Variants in PTPRS observed in about 807,000 individuals in gnomAD.
PTPRS encodes protein tyrosine phosphatase receptor type S, also known as receptor-type tyrosine-protein phosphatase S.
Under a neutral mutation model 215.3 loss-of-function variants are expected in PTPRS, and 63 were observed. The ratio of observed to expected loss-of-function variants is 0.29; its 90% CI spans 0.24 to 0.36. The LOEUF (loss-of-function observed/expected upper bound fraction) is 0.36. Ranked by LOEUF, PTPRS falls within the 10% of genes least tolerant of loss-of-function variation. The pLI, the probability that PTPRS is intolerant of heterozygous loss-of-function variation, is 1.00. For missense variants in PTPRS, 2,258 were observed against 2,825.8 expected (o/e 0.80, Z 4.56); for synonymous variants, 1,404 against 1,191.4 (o/e 1.18, Z -3.68).
intron 9 of PTPRS, among the ~76,000 whole-genome samples, chr19:5,252,736 T>C (rs191624019): frequency 3.3e-5 from 5 of 149,594 alleles, no homozygotes; most frequent in Non-Finnish European, 7.4e-5. Context: ...TAGCCAGGCG[T>C]GGTGGAGGGC....
rs751670759 is a variant in PTPRS at position 5,215,574 on chromosome 19, A to G, written c.4118T>C (p.Ile1373Thr). The change falls in exon 27 of 38, where the codon ATT becomes ACT. Residue 1373 changes from isoleucine to threonine, a missense_variant. By Grantham distance (89) the Ile-to-Thr change is moderately conservative (BLOSUM62 -1). This residue lies in a region of PTPRS where 927 missense variants were observed against 1,125.9 expected (regional missense o/e 0.82). Coordinates refer to ENST00000262963, the MANE Select transcript of PTPRS (RefSeq NM_002850.4). ...GTGCTCCGCCATGTCTGCGATGGGA[A>G]TTGGCGGGTGGCTAAGCATGCCTAC... ...HFESMLSHPP[I>T]PIADMAEHTE... 1 of 1,543,382 alleles carries G rather than the reference A, an allele frequency of 6.5e-7. No individual in the cohort carries two copies.
intron 13 of PTPRS, among the ~76,000 whole-genome samples, chr19:5,236,552 A>C (rs539252154): frequency 2.0e-5 from 3 of 152,346 alleles, no homozygotes; most frequent in Middle Eastern, 3.4e-3. Flanking sequence ...CCTCACCATC[A>C]GAGCAGCTTG....
At chr19:5,318,500 C>T (rs74766750) in intron 1 of PTPRS, among the ~76,000 whole-genome samples, 7,882 of 152,226 alleles carry the variant, frequency 0.052, 277 homozygotes, top group Middle Eastern at 0.078. Flanking sequence ...ACTCTCTAGG[C>T]CTCAGTTTCC....
chr19:5,276,715 GTAT>G (rs2047400675), intron 2 of PTPRS, among the ~76,000 whole-genome samples: 1 of 151,134 alleles, frequency 6.6e-6, no homozygotes, highest in Admixed American at 6.6e-5. Context: ...TAATTTTTTT[GTAT>G]TTTTAGTAGA....
chr19:5,322,264 G>T (rs1309473871), intron 1 of PTPRS, among the ~76,000 whole-genome samples: 1 of 152,220 alleles, frequency 6.6e-6, no homozygotes, highest in East Asian at 1.9e-4. Flanking sequence ...CCCTGTTGGT[G>T]GCTGGGCTTT....
Position 5,238,936 on chromosome 19 carries a change from T to C in PTPRS, c.1832A>G (p.Gln611Arg), listed in dbSNP as rs1209950991. 6 of 1,608,876 alleles carry C rather than the reference T, an allele frequency of 3.7e-6. No homozygotes were observed. Among genetic ancestry groups the C allele is most frequent in the Non-Finnish European group, 4.2e-6 (5 of 1,177,902 alleles). Residue 611 changes from glutamine to arginine, a missense_variant, in exon 13 of 38, where the codon CAG becomes CGG. Gln to Arg is a conservative substitution (Grantham distance 43, BLOSUM62 1). Coordinates refer to ENST00000262963, the MANE Select transcript of PTPRS (RefSeq NM_002850.4). The part of the protein sequence containing the change: ...GLGAFTPVVR[Q>R]RTLQSKPSAP... ...ACACCTACTGGACTGCAGCGTGCGC[T>C]GCCGCACCACGGGGGTGAAGGCGCC...
chr19:5,331,965 A>G (rs2050341132), intron 1 of PTPRS, among the ~76,000 whole-genome samples: 1 of 152,050 alleles, frequency 6.6e-6, no homozygotes, highest in South Asian at 2.1e-4. Context: ...GGAGTCTTAA[A>G]CCCATTTCAC....
chr19:5,312,889 G>T (rs191990601), intron 1 of PTPRS, among the ~76,000 whole-genome samples: 391 of 152,264 alleles, frequency 2.6e-3, no homozygotes, highest in African/African-American at 8.6e-3. Context: ...CATGAGTCCA[G>T]GCTGCTGAGC....
intron 2 of PTPRS, 148 bp from the exon 3 acceptor site, chr19:5,274,492 CAACA>C (rs530007661): frequency 1.5e-5 from 16 of 1,033,968 alleles, no homozygotes; most frequent in South Asian, 3.6e-5. Context: ...GCAAGGATGA[CAACA>C]AACACCCTCC....
At chr19:5,248,468 G>A (rs2044709728) in intron 9 of PTPRS, among the ~76,000 whole-genome samples, 1 of 151,826 alleles carries the variant, frequency 6.6e-6, no homozygotes, top group African/African-American at 2.4e-5. Flanking sequence ...TCCCCAGGGA[G>A]ACGCCCTCCC....
In PTPRS at chr19:5,267,767, C is replaced by G. The variant is rs141009031; in HGVS notation, c.380-2571G>C. 5.0e-3 allele frequency among the ~76,000 whole-genome samples: 663 copies of G among 133,934 alleles called. 10 individuals carry two copies. The highest frequency in any genetic ancestry group is 0.016 in the African/African-American group (574 of 35,952). 87.9% of individuals were successfully genotyped at this position (133,934 alleles called of 152,430 possible). On this transcript the variant is annotated intron_variant, in intron 4 of 37. Coordinates refer to ENST00000262963, the MANE Select transcript of PTPRS (RefSeq NM_002850.4). ...GACAAGTGACAAAAAAGTGACAAAT[C>G]GCAGTGCTGTTAAGACCAAGAAATA...
At chr19:5,282,521 G>C (rs1215944231) in intron 2 of PTPRS, among the ~76,000 whole-genome samples, 1 of 152,168 alleles carries the variant, frequency 6.6e-6, no homozygotes, top group Non-Finnish European at 1.5e-5. Context: ...AAGGTGAAGA[G>C]GCCTGGCGCA....
rs756841132 is a variant in PTPRS, at chr19:5,245,992, G to C, written c.772C>G (p.Pro258Ala). The change falls in exon 10 of 38, where the codon CCA (proline) becomes GCA (alanine). Residue 258 changes from proline (P) to alanine (A), a missense_variant. Transcript: ENST00000262963. ...CAGGTGATGTTCACGTTGCCCCCTGGCATGATCTCGTGGCTCATGGGCAGG... is the reference window on the plus strand; with the variant it reads ...CAGGTGATGTTCACGTTGCCCCCTGCCATGATCTCGTGGCTCATGGGCAGG... Reference protein sequence around the residue: ...SILPMSHEIMPGGNVNITCVA... With the variant: ...SILPMSHEIMAGGNVNITCVA... 1 of 1,591,462 alleles carries C rather than the reference G, an allele frequency of 6.3e-7. No homozygotes were observed. Among genetic ancestry groups the C allele is most frequent in the African/African-American group, 1.3e-5 (1 of 74,430 alleles).
At chr19:5,214,250 T>C in intron 30 of PTPRS, 111 bp downstream of exon 30, 1 of 1,464,962 alleles carries the variant, frequency 6.8e-7, no homozygotes, top group Non-Finnish European at 9.3e-7. Flanking sequence ...GTAGACACGC[T>C]CCGCTTTCTC....
chr19:5,286,322 AG>A, intron 1 of PTPRS, 88 bp from the exon 2 acceptor site: 1 of 651,830 alleles, frequency 1.5e-6, no homozygotes, highest in Non-Finnish European at 2.7e-6. Context: ...CACATGGAGC[AG>A]GGGAGGGTCC....
chr19:5,305,925 G>A (rs1470558879), intron 1 of PTPRS, among the ~76,000 whole-genome samples: 2 of 73,910 alleles, frequency 2.7e-5, no homozygotes, highest in African/African-American at 1.2e-4. Context: ...GGGCGACAGA[G>A]CAAGACTCCG....
In PTPRS at chr19:5,310,487, T is replaced by C. The variant is rs544063868; in HGVS notation, c.-94-24253A>G. Among the ~76,000 whole-genome samples, 20 of 151,698 alleles carry C rather than the reference T, an allele frequency of 1.3e-4. No individual in the cohort carries two copies. In the South Asian group the frequency reaches 1.5e-3, roughly 11 times the overall value. ...CGCCCACCACCATACCCAGCTAATT[T>C]TTGTATTTTTAGTAGAGACAGGGTT... On this transcript the variant is annotated intron_variant, in intron 1 of 37. Transcript: ENST00000262963.
chr19:5,221,153 T>C lies in PTPRS; in HGVS notation c.3302A>G (p.Asn1101Ser), dbSNP rs377654164. 2.3e-5 allele frequency: 37 copies of C among 1,613,676 alleles called. No individual in the cohort carries two copies. The highest frequency in any genetic ancestry group is 2.8e-5 in the Non-Finnish European group (33 of 1,179,976). The change falls in exon 20 of 38, where the codon AAT (asparagine) becomes AGT (serine). Residue 1101 changes from asparagine (N) to serine (S), a missense_variant. This residue lies in a region of PTPRS where 927 missense variants were observed against 1,125.9 expected (regional missense o/e 0.82). Transcript: ENST00000262963. ...PHTFYNFVLT[N>S]RGSSLGGLQQ... ...GAGGCCGCCCAGGCTGCTGCCGCGATTGGTCAGCACAAAGTTGTAGAAGGT... is the reference window on the plus strand; with the variant it reads ...GAGGCCGCCCAGGCTGCTGCCGCGACTGGTCAGCACAAAGTTGTAGAAGGT...
chr19:5,274,660 C>G (rs1052832780), intron 2 of PTPRS, among the ~76,000 whole-genome samples: 1 of 77,252 alleles, frequency 1.3e-5, no homozygotes, highest in African/African-American at 4.9e-5. Context: ...CCTGGGCACA[C>G]CTGCTCAGAC....
Sources: gnomAD v4.1 joint callset for allele counts (sites outside exome capture counted in the v4.1 genomes callset) on GRCh38, gnomAD v4.1.1 for gene constraint, gnomAD v4.1.1 regional missense constraint, MANE v1.5 for transcripts, NCBI Gene and HGNC (gene_info 2026-07-23, HGNC 2026-07-21) for gene names.